Variants in PCDHGB5 observed in about 807,000 individuals in gnomAD.
PCDHGB5 encodes protocadherin gamma-B5.
PCDHGB5 carries 48 observed loss-of-function variants against 62.9 expected under a neutral mutation model. That is an observed-to-expected ratio of 0.76 (90% CI 0.61 to 0.97). The LOEUF (loss-of-function observed/expected upper bound fraction) is 0.97, where lower values mean the gene tolerates loss of function less well. Among genes scored for constraint, PCDHGB5 ranks in the 50% least tolerant of loss-of-function variants. The probability of loss-of-function intolerance (pLI) is 0.00; values close to 1 mark genes in which losing one functional copy is unlikely to be tolerated. For synonymous variants in PCDHGB5, 474 were observed against 511.2 expected, an observed-to-expected ratio of 0.93 and a Z score of 0.98; for missense variants, 1,118 against 1,198.6, an observed-to-expected ratio of 0.93 and a Z score of 0.99.
At chr5:141,414,703 T>C in intron 1 of PCDHGB5, 1 of 1,613,994 alleles carries the variant, frequency 6.2e-7, no homozygotes. Flanking sequence ...CTCATACATA[T>C]CCATCAACTC....
At chr5:141,460,989 A>G (rs199888312) in intron 1 of PCDHGB5, among the ~76,000 whole-genome samples, 3,445 of 98,242 alleles carry the variant, frequency 0.035, 55 homozygotes, top group African/African-American at 0.064. Context: ...GTGTGTATAT[A>G]TATATATGTG....
intron 1 of PCDHGB5, among the ~76,000 whole-genome samples, chr5:141,474,417 C>CCATT (rs1206525105): frequency 6.6e-6 from 1 of 152,222 alleles, no homozygotes; most frequent in East Asian, 1.9e-4. Context: ...GATGCCTAGA[C>CCATT]CATTGGTCCT....
At chr5:141,434,194 GTACT>G (rs527775432) in intron 1 of PCDHGB5, among the ~76,000 whole-genome samples, 169 of 152,308 alleles carry the variant, frequency 1.1e-3, no homozygotes, top group African/African-American at 3.9e-3. Flanking sequence ...TAATTCCAAT[GTACT>G]TACTTCTGTC....
chr5:141,485,446 C>A lies in PCDHGB5; in HGVS notation c.2398-9361C>A. On this transcript the variant is annotated intron_variant, in intron 1 of 3. Transcript: ENST00000617380. This position sits in a 1 kb window ranked among gnomAD's most constrained non-coding sequence, Gnocchi z 5.7. ...CCCTGCTCATCAAGAACCCAATCGA[C>A]CGAGAGGCACTGTGTGGGCTCAGTG... is the stretch of plus-strand genomic sequence containing the variant. 6.2e-7 allele frequency: 1 copy of A among 1,614,156 alleles called. No individual in the cohort carries two copies. The highest frequency in any genetic ancestry group is 8.5e-7 in the Non-Finnish European group (1 of 1,180,018).
rs773474154 is a variant in PCDHGB5, at chr5:141,477,751, G to A, written c.2398-17056G>A. The A allele has an allele frequency of 5.0e-6, 8 of 1,613,712 alleles. No individual in the cohort carries two copies. The highest frequency in any genetic ancestry group is 6.8e-6 in the Non-Finnish European group (8 of 1,180,030). ...CTCATATCAGCGATGGGGGCACCCC[G>A]GTCCTAGCCACCAACATCAGCGTGA... On this transcript the variant is annotated intron_variant, in intron 1 of 3. Transcript: ENST00000617380. The surrounding 1 kb of genome is among the most constrained non-coding windows in gnomAD (Gnocchi z 4.9).
At chr5:141,470,323 A>G (rs1029928511) in intron 1 of PCDHGB5, among the ~76,000 whole-genome samples, 1 of 152,188 alleles carries the variant, frequency 6.6e-6, no homozygotes, top group Non-Finnish European at 1.5e-5. Context: ...AAATGATCCC[A>G]TAATTTGACC....
At chr5:141,427,929 T>A in intron 1 of PCDHGB5, 1 of 1,582,776 alleles carries the variant, frequency 6.3e-7, no homozygotes, top group South Asian at 1.1e-5. Flanking sequence ...CCGGCGCATG[T>A]TGGTGGGCGA....
intron 1 of PCDHGB5, chr5:141,404,496 A>G (rs773471878): frequency 2.7e-5 from 43 of 1,613,778 alleles, no homozygotes; most frequent in East Asian, 2.2e-5. Context: ...GGTGTGCTGT[A>G]TGCTCTGTGC....
At chr5:141,420,029 G>T (rs1382842280) in intron 1 of PCDHGB5, 2 of 1,614,082 alleles carry the variant, frequency 1.2e-6, no homozygotes, top group Non-Finnish European at 1.7e-6. Flanking sequence ...CCCTACTGCA[G>T]GAGACTGCTT....
Position 141,489,493 on chromosome 5 carries a change from G to A in PCDHGB5, c.2398-5314G>A, listed in dbSNP as rs1485293604. ...CCTGAGCTTGATGAGTGGTGCCCTG[G>A]CAGTGAATCAAAAGATTGACCGAGA... On this transcript the variant is annotated intron_variant, in intron 1 of 3. Coordinates refer to ENST00000617380, the MANE Select transcript of PCDHGB5 (RefSeq NM_018925.3). The surrounding 1 kb of genome is among the most constrained non-coding windows in gnomAD (Gnocchi z 4.5). The A allele has an allele frequency of 1.2e-6, 2 of 1,613,960 alleles. No homozygotes were observed. Among genetic ancestry groups the A allele is most frequent in the Non-Finnish European group, 1.7e-6 (2 of 1,180,038 alleles).
intron 1 of PCDHGB5, chr5:141,420,319 G>A (rs1393746531): frequency 7.0e-7 from 1 of 1,437,540 alleles, no homozygotes; most frequent in Non-Finnish European, 9.4e-7. Flanking sequence ...ATTACAATAT[G>A]CCAATATATT....
At chr5:141,478,500 T>G in intron 1 of PCDHGB5, 1 of 1,612,740 alleles carries the variant, frequency 6.2e-7, no homozygotes, top group Non-Finnish European at 8.5e-7. Flanking sequence ...TGTGATCCGG[T>G]GTTCTATAGG....
At chr5:141,418,718 A>G (rs1334115906) in intron 1 of PCDHGB5, 4 of 1,613,912 alleles carry the variant, frequency 2.5e-6, no homozygotes, top group Non-Finnish European at 3.4e-6. Flanking sequence ...TGTGGCTGAC[A>G]AAGCTCAGCA....
intron 2 of PCDHGB5, 143 bp downstream of exon 2, chr5:141,495,008 G>A (rs2099758236): frequency 6.6e-7 from 1 of 1,521,900 alleles, no homozygotes; most frequent in Non-Finnish European, 8.8e-7. Context: ...TGGTGTGCGG[G>A]GGGCTGGCAC....
intron 1 of PCDHGB5, chr5:141,408,406 G>T (rs750833105): frequency 5.0e-6 from 8 of 1,614,066 alleles, no homozygotes; most frequent in East Asian, 2.2e-5. Flanking sequence ...AGCTGCGAGT[G>T]AGCGCGGAGA....
chr5:141,405,599 A>G, intron 1 of PCDHGB5: 2 of 575,638 alleles, frequency 3.5e-6, no homozygotes, highest in South Asian at 4.5e-5. Flanking sequence ...CCTCCCAAGT[A>G]GAATAACTGG....
chr5:141,421,713 T>G, intron 1 of PCDHGB5: 1 of 1,613,932 alleles, frequency 6.2e-7, no homozygotes, highest in South Asian at 1.1e-5. Flanking sequence ...GGGATCCAGA[T>G]GTGGGCGTGA....
Position 141,450,757 on chromosome 5 carries a change from G to A in PCDHGB5, c.2398-44050G>A, listed in dbSNP as rs575351311. Among the ~76,000 whole-genome samples, 5 of 151,964 alleles carry A rather than the reference G, an allele frequency of 3.3e-5. No individual in the cohort carries two copies. In the East Asian group the frequency reaches 9.7e-4, roughly 29 times the overall value. ...CCGCCTTGGCCTCCCAAAGTGCCGG[G>A]ATTACAGGCATGAGCCACCGTGCCC... On this transcript the variant is annotated intron_variant, in intron 1 of 3. Coordinates refer to ENST00000617380, the MANE Select transcript of PCDHGB5 (RefSeq NM_018925.3).
At chr5:141,441,920 A>G (rs1276085080) in intron 1 of PCDHGB5, 8 of 352,988 alleles carry the variant, frequency 2.3e-5, no homozygotes, top group East Asian at 8.9e-5. Context: ...GTGAGACACA[A>G]TGCGTGGCTG....
Sources: allele counts gnomAD v4.1 joint callset (sites outside exome capture counted in the v4.1 genomes callset), GRCh38; gene constraint gnomAD v4.1.1; non-coding constraint Gnocchi (gnomAD v3.1); transcripts MANE v1.5; gene names NCBI Gene and HGNC (gene_info 2026-07-23, HGNC 2026-07-21).